Variants in CACNA1A observed in about 807,000 individuals in gnomAD.
CACNA1A encodes the protein calcium voltage-gated channel subunit alpha1 A.
A neutral mutation model predicts 262.4 loss-of-function variants in CACNA1A; 57 were observed. The ratio of observed to expected loss-of-function variants is 0.22; its 90% CI spans 0.18 to 0.27. The LOEUF (loss-of-function observed/expected upper bound fraction) is 0.27. Among genes scored for constraint, CACNA1A ranks in the 10% least tolerant of loss-of-function variants. CACNA1A has a pLI of 1.00. For missense variants in CACNA1A, 2,526 were observed against 3,562.8 expected (o/e 0.71, Z 7.41); for synonymous variants, 1,431 against 1,419.3 (o/e 1.01, Z -0.18).
intron 24 of CACNA1A, among the ~76,000 whole-genome samples, chr19:13,269,891 C>G (rs1027021725): frequency 2.6e-5 from 4 of 152,174 alleles, no homozygotes; most frequent in African/African-American, 9.7e-5. Context: ...ATATCGGAGA[C>G]GAGGCCACAA....
intron 6 of CACNA1A, among the ~76,000 whole-genome samples, chr19:13,349,165 G>A (rs2058855235): frequency 6.6e-6 from 1 of 152,156 alleles, no homozygotes; most frequent in Admixed American, 6.6e-5. Context: ...ACGTCACCCT[G>A]TGGGCCTCCG....
chr19:13,333,480 G>C (rs974960517), intron 8 of CACNA1A, among the ~76,000 whole-genome samples: 2 of 151,972 alleles, frequency 1.3e-5, no homozygotes, highest in African/African-American at 4.8e-5. Context: ...TGTTGCCCAG[G>C]CTGGAGTGCA....
chr19:13,418,793 T>C (rs2060268915), intron 3 of CACNA1A, among the ~76,000 whole-genome samples: 1 of 152,234 alleles, frequency 6.6e-6, no homozygotes, highest in African/African-American at 2.4e-5. Flanking sequence ...TACATAACGA[T>C]GTTTTGATAT....
At chr19:13,298,133 C>T (rs1200546010) in intron 19 of CACNA1A, among the ~76,000 whole-genome samples, 92 of 112,786 alleles carry the variant, frequency 8.2e-4, no homozygotes, top group East Asian at 1.6e-3. Context: ...AAATACAGCA[C>T]TTTTTTTTTT....
intron 1 of CACNA1A, among the ~76,000 whole-genome samples, chr19:13,468,623 C>T (rs1238177167): frequency 1.3e-5 from 2 of 152,060 alleles, no homozygotes; most frequent in Non-Finnish European, 2.9e-5. Context: ...CCTGTCTCCA[C>T]TAAAAATACA....
At position 13,506,316 on chromosome 19, in the gene CACNA1A, C is replaced by A. The variant is rs1983040939; in HGVS notation, c.-92G>T. On this transcript the variant is annotated 5_prime_UTR_variant, in exon 1 of 47. Transcript: ENST00000360228. ...CCGCCGCCGCTGATGCTGAGGCTGC[C>A]GGGGCTGGGAGCGCGGCGGCTGGAG... 2.5e-6 allele frequency: 3 copies of A among 1,198,982 alleles called. No homozygotes were observed. The highest frequency in any genetic ancestry group is 1.6e-5 in the African/African-American group (1 of 61,492). 74.3% of individuals were successfully genotyped at this position (1,198,982 alleles called of 1,614,324 possible).
intron 1 of CACNA1A, among the ~76,000 whole-genome samples, chr19:13,480,675 T>C (rs754481609): frequency 3.3e-5 from 5 of 152,078 alleles, no homozygotes; most frequent in Non-Finnish European, 7.4e-5. Flanking sequence ...AATTTTAAAA[T>C]TTCTAAAAAA....
chr19:13,240,932 T>C (rs1055533959), intron 31 of CACNA1A, among the ~76,000 whole-genome samples: 2 of 152,258 alleles, frequency 1.3e-5, no homozygotes, highest in Non-Finnish European at 2.9e-5. Flanking sequence ...CTGGCACTTC[T>C]GAGTTCCTCT....
At chr19:13,452,731 G>A in intron 3 of CACNA1A, 145 bp downstream of exon 3, 2 of 686,450 alleles carry the variant, frequency 2.9e-6, no homozygotes, top group Admixed American at 2.4e-5. Context: ...GAGGTGGGGT[G>A]TTGGCAGAAA....
chr19:13,225,750 TAGAG>T (rs1372245325), intron 37 of CACNA1A: 1 of 151,812 alleles, frequency 6.6e-6, no homozygotes, highest in African/African-American at 2.4e-5. Flanking sequence ...AGGTGGGAAA[TAGAG>T]AAACACACAT....
rs2057721231 is a variant in CACNA1A at position 13,298,640 on chromosome 19, C to T, written c.2993G>A (p.Gly998Glu). 1.3e-6 allele frequency: 2 copies of T among 1,520,884 alleles called. No individual in the cohort carries two copies. The highest frequency in any genetic ancestry group is 1.8e-6 in the Non-Finnish European group (2 of 1,134,086). 94.2% of individuals were successfully genotyped at this position (1,520,884 alleles called of 1,614,324 possible). A position where few individuals can be genotyped will look rare whatever the true frequency, so the allele number is the denominator to read the frequency against. Residue 998 changes from glycine (G) to glutamate (E), a missense_variant, in exon 19 of 47, where the codon GGG (glycine) becomes GAG (glutamate). Physicochemically the swap from Gly to Glu is moderately conservative, Grantham distance 98. Around this residue, in one of 17 missense-constraint regions of CACNA1A, gnomAD observed 765 missense variants for 748.6 expected, o/e 1.02. Transcript: ENST00000360228. ...CCGGTGCCTTCTCCTGCGCTCGCCC[C>T]CGTCGGGGCCCTCGCCCTCGCCCTC... ...GGEGEGEGPD[G>E]GERRRRHRHG...
intron 21 of CACNA1A, chr19:13,283,977 G>A (rs1049691955): frequency 6.6e-6 from 1 of 152,648 alleles, no homozygotes; most frequent in Non-Finnish European, 1.5e-5. Flanking sequence ...TGAATTGCAG[G>A]CCTTATCAGA....
At chr19:13,359,505 G>T in intron 6 of CACNA1A, 101 bp downstream of exon 6, 1 of 932,506 alleles carries the variant, frequency 1.1e-6, no homozygotes, top group South Asian at 1.5e-5. Context: ...GCCTTTCCCA[G>T]CTCAGGGTCC....
chr19:13,230,194 CAA>C lies in CACNA1A; in HGVS notation c.5414_5415del (p.Phe1805CysfsTer9). 1 of 1,613,730 alleles carries C rather than the reference CAA, an allele frequency of 6.2e-7. No homozygotes were observed. Among genetic ancestry groups the C allele is most frequent in the Non-Finnish European group, 8.5e-7 (1 of 1,179,832 alleles). On this transcript the variant is annotated frameshift_variant, in exon 36 of 47. Coordinates refer to ENST00000360228, the MANE Select transcript of CACNA1A (RefSeq NM_001127222.2). LOFTEE classifies it high-confidence loss of function. ...TCAAAGTTGTCCATGATGACGGCGACAAAGAGATTCAGCATCTGTGGGGACCC... is the reference window on the plus strand; with the variant it reads ...TCAAAGTTGTCCATGATGACGGCGACAGAGATTCAGCATCTGTGGGGACCC... ...FLCSFLMLNL[F>X]VAVIMDNFEY...
In CACNA1A at chr19:13,206,615, C is replaced by G. The variant is rs1600069557; in HGVS notation, c.*698G>C. The G allele has an allele frequency of 6.5e-6, 1 of 154,120 alleles. No individual in the cohort carries two copies. The highest frequency in any genetic ancestry group is 1.9e-4 in the East Asian group (1 of 5,182). 9.5% of individuals were successfully genotyped at this position (154,120 alleles called of 1,614,324 possible). On this transcript the variant is annotated 3_prime_UTR_variant, in exon 47 of 47. Coordinates refer to ENST00000360228, the MANE Select transcript of CACNA1A (RefSeq NM_001127222.2). ...TGTTGTTTCAAGCAGGACCAAATGT[C>G]AGAAAAAAATGCCTCTTTTCTCAAT...
At chr19:13,503,717 G>A (rs1201310803) in intron 1 of CACNA1A, among the ~76,000 whole-genome samples, 1 of 149,614 alleles carries the variant, frequency 6.7e-6, no homozygotes, top group South Asian at 2.2e-4. Context: ...CAGATTGTGA[G>A]GTGGGGAGTT....
At chr19:13,315,107 G>C (rs1247179341) in intron 11 of CACNA1A, 3 of 151,742 alleles carry the variant, frequency 2.0e-5, no homozygotes, top group African/African-American at 7.3e-5. Flanking sequence ...TAGATGTGGA[G>C]TCTGAGATCC....
At chr19:13,304,316 TG>T (rs1180350995) in intron 15 of CACNA1A, among the ~76,000 whole-genome samples, 1 of 151,952 alleles carries the variant, frequency 6.6e-6, no homozygotes, top group Non-Finnish European at 1.5e-5. Flanking sequence ...GACTTCATGA[TG>T]GTATTAGTGC....
At chr19:13,406,945 A>G (rs967127399) in intron 3 of CACNA1A, among the ~76,000 whole-genome samples, 2 of 151,150 alleles carry the variant, frequency 1.3e-5, no homozygotes, top group African/African-American at 4.9e-5. Context: ...ACACACACAC[A>G]AACACACACA....
Sources: gnomAD v4.1 joint callset for allele counts (sites outside exome capture counted in the v4.1 genomes callset) on GRCh38, gnomAD v4.1.1 for gene constraint, gnomAD v4.1.1 regional missense constraint, MANE v1.5 for transcripts, NCBI Gene and HGNC (gene_info 2026-07-23, HGNC 2026-07-21) for gene names.